Variants in TINAG observed in about 807,000 individuals in gnomAD.
The protein encoded by TINAG is tubulointerstitial nephritis antigen.
TINAG carries 83 observed loss-of-function variants against 72.7 expected under a neutral mutation model. The ratio of observed to expected loss-of-function variants is 1.14; its 90% confidence interval spans 0.96 to 1.37. The LOEUF (loss-of-function observed/expected upper bound fraction) is 1.37, where lower values mean the gene tolerates loss of function less well. Among genes scored for constraint, TINAG ranks in the 40% most tolerant of loss-of-function variants. The pLI is 0.00. For synonymous variants in TINAG, 234 were observed against 189.9 expected, an observed-to-expected ratio of 1.23 and a Z score of -1.91; for missense variants, 685 against 576.6, an observed-to-expected ratio of 1.19 and a Z score of -1.93.
chr6:54,351,103 T>C (rs1478924848), intron 7 of TINAG, among the ~76,000 whole-genome samples: 1 of 152,056 alleles, frequency 6.6e-6, no homozygotes, highest in Non-Finnish European at 1.5e-5. Flanking sequence ...TTAACTTACA[T>C]TGTTTCTTTA....
At chr6:54,336,922 T>C (rs1480935557) in intron 4 of TINAG, among the ~76,000 whole-genome samples, 2 of 152,084 alleles carry the variant, frequency 1.3e-5, no homozygotes, top group Non-Finnish European at 2.9e-5. Context: ...GGTCATCCAA[T>C]ATATATTAAG....
At chr6:54,309,929 T>C (rs1382473852) in intron 1 of TINAG, among the ~76,000 whole-genome samples, 5 of 152,138 alleles carry the variant, frequency 3.3e-5, no homozygotes, top group Admixed American at 2.0e-4. Flanking sequence ...TGTCTCTTTA[T>C]GTGTCTACAT....
In TINAG at chr6:54,326,835, A is replaced by C; in HGVS notation, c.543A>C (p.Gly181=). Residue 181 remains glycine, a synonymous_variant, in exon 4 of 11, where the codon GGA becomes GGC. Coordinates refer to ENST00000259782, the MANE Select transcript of TINAG (RefSeq NM_014464.4). ...CACAGAATTACAGCCAATTTTGGGG[A>C]ATGACTTTAGAAGATGGTTTTAAAT... is the stretch of plus-strand genomic sequence containing the variant. ...WTAQNYSQFW[G]MTLEDGFKFR... is the part of the protein sequence containing the mutation. 1 of 1,611,590 alleles carries C rather than the reference A, an allele frequency of 6.2e-7. No individual in the cohort carries two copies. Among genetic ancestry groups the C allele is most frequent in the South Asian group, 1.1e-5 (1 of 90,098 alleles).
At chr6:54,379,377 G>T (rs76004269) in intron 9 of TINAG, among the ~76,000 whole-genome samples, 1 of 152,068 alleles carries the variant, frequency 6.6e-6, no homozygotes, top group Non-Finnish European at 1.5e-5. Context: ...TACCTACCTC[G>T]CTGGATTTAA....
Position 54,317,838 on chromosome 6 carries a change from A to G in TINAG, c.356-2741A>G, listed in dbSNP as rs138971284. 2.4e-3 allele frequency among the ~76,000 whole-genome samples: 363 copies of G among 152,014 alleles called. 8 individuals carry two copies. In the East Asian group the frequency reaches 0.057, roughly 24 times the overall value. ...TCTCTCATCAACCCATTCCTACAGG[A>G]TGTCAGCTCCCTGCTACTTCACTGA... On this transcript the variant is annotated intron_variant, in intron 1 of 10. Coordinates refer to ENST00000259782, the MANE Select transcript of TINAG (RefSeq NM_014464.4).
chr6:54,378,352 A>C (rs1225770143), intron 9 of TINAG, among the ~76,000 whole-genome samples: 1 of 152,116 alleles, frequency 6.6e-6, no homozygotes, highest in Non-Finnish European at 1.5e-5. Context: ...CATTTTGAGA[A>C]AGCATGTAAC....
At chr6:54,364,097 G>A (rs1304469299) in intron 9 of TINAG, among the ~76,000 whole-genome samples, 2 of 151,528 alleles carry the variant, frequency 1.3e-5, no homozygotes, top group Non-Finnish European at 3.0e-5. Context: ...TGTACAGTTA[G>A]AAATGTGAGG....
intron 3 of TINAG, among the ~76,000 whole-genome samples, chr6:54,321,612 A>G (rs915250243): frequency 2.0e-5 from 3 of 152,228 alleles, no homozygotes; most frequent in Admixed American, 6.5e-5. Context: ...TCTAGGAAAG[A>G]GCAATGTCGT....
At chr6:54,384,194 G>T (rs1347142384) in intron 10 of TINAG, among the ~76,000 whole-genome samples, 1 of 152,050 alleles carries the variant, frequency 6.6e-6, no homozygotes, top group Non-Finnish European at 1.5e-5. Flanking sequence ...CACACACTGG[G>T]GCCTGTTCAC....
Position 54,387,323 on chromosome 6 carries a change from G to C in TINAG, c.1297-2468G>C, listed in dbSNP as rs147555704. 3.7e-3 allele frequency among the ~76,000 whole-genome samples: 567 copies of C among 152,192 alleles called. 6 individuals are homozygous for C. Among genetic ancestry groups the C allele is most frequent in the African/African-American group, 0.012 (510 of 41,538 alleles). ...TACTGATGCATGTGTAAATGGAGCC[G>C]CTACTTATGTTCATCATGTTTATCA... On this transcript the variant is annotated intron_variant, in intron 10 of 10. Transcript: ENST00000259782.
intron 9 of TINAG, among the ~76,000 whole-genome samples, chr6:54,379,880 A>G (rs1436741313): frequency 6.6e-6 from 1 of 151,970 alleles, no homozygotes. Flanking sequence ...TGCTGCACTC[A>G]TCAACCAGTC....
Position 54,389,890 on chromosome 6 carries a change from G to T in TINAG, c.1396G>T (p.Ala466Ser), listed in dbSNP as rs558103441. 3.1e-6 allele frequency: 5 copies of T among 1,611,420 alleles called. No individual in the cohort carries two copies. In the South Asian group the frequency reaches 5.5e-5, roughly 18 times the overall value. ...CGACATTGAAAAGTTGATTATCGCA[G>T]CTTGGGGCCAACTGACGAGTTCTGA... ...ESDIEKLIIA[A>S]WGQLTSSDEP is the part of the protein sequence containing the mutation. The change falls in exon 11 of 11, where the codon GCT (alanine) becomes TCT (serine). Residue 466 changes from alanine to serine, a missense_variant. Coordinates refer to ENST00000259782, the MANE Select transcript of TINAG (RefSeq NM_014464.4).
intron 10 of TINAG, among the ~76,000 whole-genome samples, chr6:54,380,908 G>C (rs2150982729): frequency 6.7e-6 from 1 of 149,044 alleles, no homozygotes; most frequent in East Asian, 2.0e-4. Flanking sequence ...CAATGAACTT[G>C]ATGCTTTTGT....
At chr6:54,365,565 T>G (rs1369861744) in intron 9 of TINAG, 2 of 151,576 alleles carry the variant, frequency 1.3e-5, no homozygotes, top group African/African-American at 4.8e-5. Context: ...TTAAATGTGC[T>G]TCTTAAAGCC....
intron 9 of TINAG, among the ~76,000 whole-genome samples, chr6:54,371,379 T>A (rs1763602151): frequency 6.6e-6 from 1 of 152,022 alleles, no homozygotes; most frequent in African/African-American, 2.4e-5. Context: ...TTAAATGAGA[T>A]ATGTGTCTGC....
At chr6:54,350,208 T>C (rs1050955157) in intron 7 of TINAG, among the ~76,000 whole-genome samples, 7 of 125,964 alleles carry the variant, frequency 5.6e-5, no homozygotes, top group Non-Finnish European at 1.2e-4. Context: ...GTTAAACACT[T>C]TTTCACTGAC....
At chr6:54,389,646 A>T in intron 10 of TINAG, 145 bp from the exon 11 acceptor site, 1 of 991,774 alleles carries the variant, frequency 1.0e-6, no homozygotes, top group Non-Finnish European at 1.4e-6. Context: ...TAATACAACC[A>T]TTATTTAAAA....
chr6:54,340,113 C>T (rs1346038983), intron 4 of TINAG, among the ~76,000 whole-genome samples: 1 of 151,994 alleles, frequency 6.6e-6, no homozygotes, highest in East Asian at 1.9e-4. Context: ...GTATTTAATT[C>T]CCATATTTGC....
Position 54,360,841 on chromosome 6 carries a change from G to GTTTTTTTT in TINAG, c.1250+6229_1250+6236dup, listed in dbSNP as rs70983415. 4.8e-3 allele frequency among the ~76,000 whole-genome samples: 127 copies of GTTTTTTTT among 26,252 alleles called. 32 individuals carry two copies. The highest frequency in any genetic ancestry group is 7.6e-3 in the Non-Finnish European group (89 of 11,786). The allele number at this position is 26,252 out of a possible 152,430, so 17.2% of individuals were successfully genotyped here. A position where few individuals can be genotyped will look rare whatever the true frequency, so the allele number is the denominator to read the frequency against. ...GTTTCTTGTGTTTCACAGATACTGT[G>GTTTTTTTT]TTTTTTTTTTTTTTTTTTTTTTTTT... On this transcript the variant is annotated intron_variant, in intron 9 of 10. Transcript: ENST00000259782.
Sources: gnomAD v4.1 joint callset for allele counts (sites outside exome capture counted in the v4.1 genomes callset) on GRCh38, gnomAD v4.1.1 for gene constraint, MANE v1.5 for transcripts, NCBI Gene and HGNC (gene_info 2026-07-23, HGNC 2026-07-21) for gene names.